NCOR1: variants seen among roughly 807,000 people sequenced by gnomAD.
The protein encoded by NCOR1 is protein phosphatase 1, regulatory subunit 109.
In NCOR1, 63 loss-of-function variants were observed where a neutral mutation model predicts 288.1. The observed-to-expected ratio is 0.22, with a 90% CI of 0.18 to 0.27. The LOEUF (loss-of-function observed/expected upper bound fraction) is 0.27, where lower values mean the gene tolerates loss of function less well. Among genes scored for constraint, NCOR1 ranks in the 10% least tolerant of loss-of-function variants. The probability of loss-of-function intolerance (pLI) is 1.00; values close to 1 mark genes in which losing one functional copy is unlikely to be tolerated. For missense variants in NCOR1, 2,397 were observed against 3,019.2 expected (o/e 0.79, Z 4.83); for synonymous variants, 1,007 against 1,065.9 (o/e 0.94, Z 1.08).
chr17:16,187,200 GT>G (rs528053156), intron 2 of NCOR1, among the ~76,000 whole-genome samples: 263 of 136,068 alleles, frequency 1.9e-3, no homozygotes, highest in African/African-American at 3.1e-3. Flanking sequence ...GTTGGTTGTT[GT>G]TTTTTTTTTT....
In NCOR1 at chr17:16,046,945, A is replaced by G; in HGVS notation, c.6679+6T>C. 1 of 1,613,384 alleles carries G rather than the reference A, an allele frequency of 6.2e-7. No homozygotes were observed. The highest frequency in any genetic ancestry group is 8.5e-7 in the Non-Finnish European group (1 of 1,179,700). ...ATTTGGGGTTCATGAAAGAAATCCC[A>G]CTTACCCATATCAGAGTCACCTCCA... On this transcript the variant is annotated splice_donor_region_variant and intron_variant, in intron 42 of 45. Transcript: ENST00000268712.
Position 16,149,526 on chromosome 17 carries a change from G to C in NCOR1, c.843-9C>G, listed in dbSNP as rs2078536497. The C allele has an allele frequency of 7.1e-7, 1 of 1,399,902 alleles. No homozygotes were observed. The highest frequency in any genetic ancestry group is 9.8e-7 in the Non-Finnish European group (1 of 1,015,690). The allele number at this position is 1,399,902 out of a possible 1,614,324, so 86.7% of individuals were successfully genotyped here. A position where few individuals can be genotyped will look rare whatever the true frequency, so the allele number is the denominator to read the frequency against. ...TCCTCATCACCTGGTTTCTAGAAGA[G>C]AAAAATATGGTTGCATGACATTAAG... On this transcript the variant is annotated splice_polypyrimidine_tract_variant and intron_variant, in intron 8 of 45. Coordinates refer to ENST00000268712, the MANE Select transcript of NCOR1 (RefSeq NM_006311.4).
chr17:16,106,820 C>T (rs903886724), intron 19 of NCOR1, among the ~76,000 whole-genome samples: 21 of 129,700 alleles, frequency 1.6e-4, no homozygotes, highest in Admixed American at 1.5e-3. Context: ...GATGATTGAG[C>T]AGATGTGATG....
Position 16,040,476 on chromosome 17 carries a change from G to C in NCOR1, c.6698C>G (p.Thr2233Ser). ...DSDMAAAQPG[T>S]EIFNLPAVTT... The stretch of plus-strand genomic sequence containing the variant: ...AACTGCTGGCAGATTAAAGATCTCA[G>C]TTCCTGGCTGAGCAGCTGCTATATT... The change falls in exon 43 of 46, where the codon ACT (threonine) becomes AGT (serine). Residue 2233 changes from threonine (T) to serine (S), a missense_variant. This residue lies in a region of NCOR1 where 1,872 missense variants were observed against 2,187.8 expected (regional missense o/e 0.86). Transcript: ENST00000268712. The C allele has an allele frequency of 6.2e-7, 1 of 1,613,666 alleles. No homozygotes were observed. The highest frequency in any genetic ancestry group is 8.5e-7 in the Non-Finnish European group (1 of 1,179,856).
chr17:16,051,828 C>T (rs2059347686), intron 40 of NCOR1, among the ~76,000 whole-genome samples: 1 of 152,008 alleles, frequency 6.6e-6, no homozygotes, highest in African/African-American at 2.4e-5. Context: ...AGGAGAATTG[C>T]TTGAACCAGG....
At chr17:16,181,088 G>GAACT in intron 3 of NCOR1, among the ~76,000 whole-genome samples, 1 of 152,230 alleles carries the variant, frequency 6.6e-6, no homozygotes, top group African/African-American at 2.4e-5. Context: ...GAACCCAGGA[G>GAACT]GTGGAGGTTG....
chr17:16,179,737 C>T (rs187609556), intron 3 of NCOR1, among the ~76,000 whole-genome samples: 239 of 152,140 alleles, frequency 1.6e-3, no homozygotes, highest in African/African-American at 5.5e-3. Flanking sequence ...CAATAAAGGC[C>T]GGGCGTGGTG....
rs1438317279 is a variant in NCOR1 at position 16,057,236 on chromosome 17, A to G, written c.6392+278T>C. On this transcript the variant is annotated intron_variant, in intron 40 of 45. Transcript: ENST00000268712. ...CGGAAGCACCACTGAAGTGTCCCCAAACCACTACCAAACTACACATTCTTC... is the reference window on the plus strand; with the variant it reads ...CGGAAGCACCACTGAAGTGTCCCCAGACCACTACCAAACTACACATTCTTC... 10 of 406,830 alleles carry G rather than the reference A, an allele frequency of 2.5e-5. No homozygotes were observed. The Admixed American group carries it at 3.4e-4, about 14-fold the overall frequency. The allele number at this position is 406,830 out of a possible 1,614,324, so 25.2% of individuals were successfully genotyped here.
In NCOR1 at chr17:16,086,800, G is replaced by A. The variant is rs73280227; in HGVS notation, c.3017-358C>T. Among the ~76,000 whole-genome samples the A allele has an allele frequency of 3.1e-3, 469 of 152,312 alleles. 1 individual carries two copies. Among genetic ancestry groups the A allele is most frequent in the African/African-American group, 0.011 (454 of 41,568 alleles). ...AGCTGATAACACTACTTCAGAGAATGCGCAGACATGACTGACAACCAGTTA... is the reference window on the plus strand; with the variant it reads ...AGCTGATAACACTACTTCAGAGAATACGCAGACATGACTGACAACCAGTTA... On this transcript the variant is annotated intron_variant, in intron 22 of 45. Coordinates refer to ENST00000268712, the MANE Select transcript of NCOR1 (RefSeq NM_006311.4).
intron 6 of NCOR1, among the ~76,000 whole-genome samples, chr17:16,157,724 T>C (rs2080049704): frequency 1.3e-5 from 2 of 152,084 alleles, no homozygotes; most frequent in African/African-American, 4.8e-5. Context: ...CATATTATCA[T>C]TTTTTGCACT....
In NCOR1 at chr17:16,214,744, T is replaced by C. The variant is rs533733880; in HGVS notation, c.-71+618A>G. ...ATTTCACAACTACAGTTTCTCAAAT[T>C]CCTCTCTCCCCAAAAAGGGGTGCAC... On this transcript the variant is annotated intron_variant, in intron 1 of 45. Transcript: ENST00000268712. Among the ~76,000 whole-genome samples, 429 of 152,220 alleles carry C rather than the reference T, an allele frequency of 2.8e-3. 3 individuals carry two copies. Among genetic ancestry groups the C allele is most frequent in the African/African-American group, 9.5e-3 (396 of 41,530 alleles).
chr17:16,162,178 GA>G (rs1488245814), intron 5 of NCOR1, among the ~76,000 whole-genome samples: 1 of 151,972 alleles, frequency 6.6e-6, no homozygotes, highest in Non-Finnish European at 1.5e-5. Context: ...TGAAATTGAA[GA>G]CAGATTTGAC....
chr17:16,107,320 G>T (rs1057063132), intron 19 of NCOR1, among the ~76,000 whole-genome samples: 9 of 152,054 alleles, frequency 5.9e-5, no homozygotes, highest in Admixed American at 4.6e-4. Flanking sequence ...GGCCTTTAAG[G>T]AGATGACTAA....
Position 16,070,124 on chromosome 17 carries a change from T to C in NCOR1, c.4513+41A>G, listed in dbSNP as rs771591422. ...AAAGGTTTTTTTTTTTTTTTTTAAA[T>C]GCAATAAAAAGTATCAGACCAAGCA... On this transcript the variant is annotated intron_variant, in intron 31 of 45. Transcript: ENST00000268712. 4.7e-6 allele frequency: 7 copies of C among 1,495,228 alleles called. No homozygotes were observed. In the African/African-American group the frequency reaches 8.5e-5, roughly 18 times the overall value. 92.6% of individuals were successfully genotyped at this position (1,495,228 alleles called of 1,614,324 possible). A position where few individuals can be genotyped will look rare whatever the true frequency, so the allele number is the denominator to read the frequency against.
intron 7 of NCOR1, among the ~76,000 whole-genome samples, 160 bp from the exon 8 acceptor site, chr17:16,152,158 A>T (rs544900120): frequency 3.9e-5 from 6 of 152,250 alleles, no homozygotes; most frequent in African/African-American, 1.2e-4. Context: ...TTATTTACTT[A>T]TTTTTTTAAA....
intron 42 of NCOR1, chr17:16,044,751 C>A: frequency 6.1e-6 from 5 of 820,228 alleles, no homozygotes; most frequent in Admixed American, 5.2e-5. Context: ...CCTTTTTGGT[C>A]CAGCTTGTTT....
chr17:16,205,953 A>G (rs2091452428), intron 1 of NCOR1, among the ~76,000 whole-genome samples: 1 of 151,668 alleles, frequency 6.6e-6, no homozygotes. Flanking sequence ...AAAAAAAAAA[A>G]GAAAGAAAGA....
chr17:16,118,878 G>A (rs1179404910), intron 17 of NCOR1, among the ~76,000 whole-genome samples: 2 of 152,160 alleles, frequency 1.3e-5, no homozygotes, highest in African/African-American at 4.8e-5. Flanking sequence ...CAGAGTAAGA[G>A]GAAGGCCACA....
chr17:16,065,826 A>G lies in NCOR1; in HGVS notation c.4742-132T>C, dbSNP rs994288343. On this transcript the variant is annotated intron_variant, in intron 32 of 45. Transcript: ENST00000268712. ...CACATGGAACTTTTACTTAGCTACA[A>G]GGATTAAGGTGGATTTATTTTAGAC... 3 of 742,942 alleles carry G rather than the reference A, an allele frequency of 4.0e-6. No homozygotes were observed. The African/African-American group carries it at 5.2e-5, about 13-fold the overall frequency. The allele number at this position is 742,942 out of a possible 1,614,324, so 46.0% of individuals were successfully genotyped here.
Sources: allele counts gnomAD v4.1 joint callset (sites outside exome capture counted in the v4.1 genomes callset), GRCh38; gene constraint gnomAD v4.1.1; regional missense constraint gnomAD v4.1.1; transcripts MANE v1.5; gene names NCBI Gene and HGNC (gene_info 2026-07-23, HGNC 2026-07-21).